The following PUS10 variants were observed in gnomAD, a reference collection of about 807,000 sequenced individuals.
The protein encoded by PUS10 is tRNA pseudouridine synthase Pus10.
Under a neutral mutation model 75.0 loss-of-function variants are expected in PUS10, and 59 were observed. The observed-to-expected ratio is 0.79, with a 90% CI of 0.64 to 0.98. The LOEUF (loss-of-function observed/expected upper bound fraction) is 0.98, where lower values mean the gene tolerates loss of function less well. Among genes scored for constraint, PUS10 ranks in the 50% least tolerant of loss-of-function variants. PUS10 has a pLI of 0.00. For synonymous variants in PUS10, 219 were observed against 211.6 expected (o/e 1.03, Z -0.30); for missense variants, 650 against 614.4 (o/e 1.06, Z -0.61).
chr2:60,986,522 C>A (rs1677733238), intron 4 of PUS10, among the ~76,000 whole-genome samples: 1 of 152,096 alleles, frequency 6.6e-6, no homozygotes, highest in Non-Finnish European at 1.5e-5. Flanking sequence ...AAAGAAACAT[C>A]TTCCTAAACT....
At chr2:60,957,279 A>G (rs1675735635) in intron 11 of PUS10, among the ~76,000 whole-genome samples, 1 of 152,226 alleles carries the variant, frequency 6.6e-6, no homozygotes, top group African/African-American at 2.4e-5. Context: ...GGTTCAGCTA[A>G]TCTGCAGTGG....
chr2:60,989,655 A>G (rs535328073), intron 4 of PUS10, among the ~76,000 whole-genome samples: 1 of 151,792 alleles, frequency 6.6e-6, no homozygotes, highest in African/African-American at 2.4e-5. Flanking sequence ...TTTCTGAGAC[A>G]GAGTTTCACT....
intron 4 of PUS10, among the ~76,000 whole-genome samples, chr2:60,996,196 C>G (rs1678447888): frequency 6.6e-6 from 1 of 152,184 alleles, no homozygotes; most frequent in Non-Finnish European, 1.5e-5. Flanking sequence ...ATCTGTTGGG[C>G]TTCTTGTGCC....
In PUS10 at chr2:61,018,050, G is replaced by A. The variant is rs1680131185; in HGVS notation, c.-58C>T. ...TCTCACAGCTGTTTCTGACCCGGCA[G>A]CTCTAATCAGCAACGTTTTTTTCGG... On this transcript the variant is annotated 5_prime_UTR_variant, in exon 1 of 18. Coordinates refer to ENST00000316752, the MANE Select transcript of PUS10 (RefSeq NM_144709.4). 7.5e-6 allele frequency: 11 copies of A among 1,472,908 alleles called. No homozygotes were observed. In the East Asian group the frequency reaches 1.5e-4, roughly 20 times the overall value. The allele number at this position is 1,472,908 out of a possible 1,614,324, so 91.2% of individuals were successfully genotyped here. A position where few individuals can be genotyped will look rare whatever the true frequency, so the allele number is the denominator to read the frequency against.
intron 16 of PUS10, among the ~76,000 whole-genome samples, chr2:60,946,871 CACAT>C (rs1445828333): frequency 6.6e-6 from 1 of 152,040 alleles, no homozygotes; most frequent in African/African-American, 2.4e-5. Flanking sequence ...CACACACACA[CACAT>C]ACAATAGTAC....
intron 4 of PUS10, among the ~76,000 whole-genome samples, chr2:61,000,851 A>G (rs1403219645): frequency 2.0e-5 from 3 of 152,218 alleles, no homozygotes; most frequent in African/African-American, 7.2e-5. Context: ...TCACCAAAAA[A>G]ATTTGCAATC....
chr2:61,008,658 A>C, intron 3 of PUS10, 103 bp downstream of exon 3: 1 of 1,009,200 alleles, frequency 9.9e-7, no homozygotes, highest in South Asian at 1.8e-5. Context: ...AGACCCAAAA[A>C]AGAATTGTCT....
chr2:60,971,427 C>T (rs971445251), intron 5 of PUS10, 96 bp downstream of exon 5: 2 of 1,054,518 alleles, frequency 1.9e-6, no homozygotes, highest in Non-Finnish European at 1.5e-6. Context: ...CTAGTGAATG[C>T]ACTATAAAAA....
intron 4 of PUS10, among the ~76,000 whole-genome samples, chr2:61,004,628 C>CAAAA (rs70959883): frequency 1.4e-3 from 93 of 67,242 alleles, no homozygotes; most frequent in African/African-American, 4.7e-3. Flanking sequence ...GACTCCGTCT[C>CAAAA]AAAAAAAAAA....
intron 4 of PUS10, among the ~76,000 whole-genome samples, chr2:61,004,103 G>A (rs1679042802): frequency 6.6e-6 from 1 of 152,104 alleles, no homozygotes; most frequent in Non-Finnish European, 1.5e-5. Context: ...GAAGTTCTAA[G>A]GTAGAGATAT....
At position 60,965,502 on chromosome 2, in the gene PUS10, A is replaced by G; in HGVS notation, c.616-18T>C. The G allele has an allele frequency of 6.3e-7, 1 of 1,575,072 alleles. No homozygotes were observed. ...AACAAGCTCTAAAAATTATAAAGACAGTTTAAAAATGAGCAAAAGGAAACT... is the reference window on the plus strand; with the variant it reads ...AACAAGCTCTAAAAATTATAAAGACGGTTTAAAAATGAGCAAAAGGAAACT... On this transcript the variant is annotated intron_variant, in intron 6 of 17. Transcript: ENST00000316752.
chr2:60,955,694 C>T (rs911521413), intron 11 of PUS10, among the ~76,000 whole-genome samples: 2 of 152,116 alleles, frequency 1.3e-5, no homozygotes, highest in African/African-American at 4.8e-5. Context: ...CACCAAGCTT[C>T]AGAAAAGTTA....
At chr2:60,947,239 T>C (rs542825281) in intron 16 of PUS10, among the ~76,000 whole-genome samples, 2 of 152,308 alleles carry the variant, frequency 1.3e-5, no homozygotes, top group African/African-American at 4.8e-5. Flanking sequence ...ACAAGGCACG[T>C]AGACAAAGAT....
At chr2:60,963,453 C>T (rs1676156398) in intron 8 of PUS10, among the ~76,000 whole-genome samples, 1 of 152,210 alleles carries the variant, frequency 6.6e-6, no homozygotes, top group African/African-American at 2.4e-5. Context: ...AGGGCATCTA[C>T]AACAAATGTT....
At chr2:60,995,798 A>G (rs533638120) in intron 4 of PUS10, among the ~76,000 whole-genome samples, 1 of 152,334 alleles carries the variant, frequency 6.6e-6, no homozygotes, top group Non-Finnish European at 1.5e-5. Flanking sequence ...GACAATTCAC[A>G]AGAATAAGAC....
chr2:60,990,727 A>G (rs1436754415), intron 4 of PUS10, among the ~76,000 whole-genome samples: 1 of 152,144 alleles, frequency 6.6e-6, no homozygotes, highest in Admixed American at 6.6e-5. Context: ...ATTTTTCATA[A>G]TCAATGTCCA....
chr2:60,989,763 C>T (rs887795102), intron 4 of PUS10, among the ~76,000 whole-genome samples: 3 of 152,066 alleles, frequency 2.0e-5, no homozygotes, highest in Admixed American at 2.0e-4. Context: ...GGACTACAGG[C>T]ACCCACCACC....
At chr2:60,973,224 T>G (rs1435911228) in intron 4 of PUS10, among the ~76,000 whole-genome samples, 1 of 152,128 alleles carries the variant, frequency 6.6e-6, no homozygotes. Flanking sequence ...CCTGAAAGTG[T>G]CGGGTTAATT....
intron 4 of PUS10, among the ~76,000 whole-genome samples, chr2:61,000,481 T>G (rs912019142): frequency 6.6e-6 from 1 of 152,210 alleles, no homozygotes; most frequent in Non-Finnish European, 1.5e-5. Flanking sequence ...TGGCTTAAAA[T>G]CAAGGTGCCA....
Sources: gnomAD v4.1 joint callset for allele counts (sites outside exome capture counted in the v4.1 genomes callset) on GRCh38, gnomAD v4.1.1 for gene constraint, MANE v1.5 for transcripts, NCBI Gene and HGNC (gene_info 2026-07-23, HGNC 2026-07-21) for gene names.